Variants in GON7 observed in about 807,000 individuals in gnomAD.
GON7 encodes EKC/KEOPS complex subunit GON7.
GON7 carries 2 observed loss-of-function variants against 7.6 expected under a neutral mutation model. That is an observed-to-expected ratio of 0.26 (90% CI 0.11 to 0.83). The LOEUF (loss-of-function observed/expected upper bound fraction) is 0.83. Ranked by LOEUF, GON7 falls within the 40% of genes least tolerant of loss-of-function variation. GON7 has a pLI of 0.65. For synonymous variants in GON7, 54 were observed against 56.6 expected (o/e 0.95, Z 0.20); for missense variants, 121 against 132.2 (o/e 0.92, Z 0.42).
chr14:93,203,007 C>CT lies in GON7; in HGVS notation c.*680dup, dbSNP rs1377726283. On this transcript the variant is annotated 3_prime_UTR_variant, in exon 2 of 2. Coordinates refer to ENST00000306954, the MANE Select transcript of GON7 (RefSeq NM_032490.5). ...AATTGTAATCAATGCAGATTGTTTA[C>CT]TTAAGGCCTTATATTTGTACCTGTA... 1.3e-5 allele frequency: 2 copies of CT among 152,150 alleles called. No individual in the cohort carries two copies. Among genetic ancestry groups the CT allele is most frequent in the African/African-American group, 2.4e-5 (1 of 41,428 alleles). The allele number at this position is 152,150 out of a possible 1,614,324, so 9.4% of individuals were successfully genotyped here.
chr14:93,205,925 CAA>C (rs1894332651), intron 1 of GON7, among the ~76,000 whole-genome samples: 1 of 152,170 alleles, frequency 6.6e-6, no homozygotes, highest in Non-Finnish European at 1.5e-5. Flanking sequence ...ACACCCAGCT[CAA>C]AAGTCTTATC....
rs369142245 is a variant in GON7, at chr14:93,206,857, C to G, written c.181G>C (p.Ala61Pro). 1.4e-5 allele frequency: 22 copies of G among 1,614,000 alleles called. No individual in the cohort carries two copies. Among genetic ancestry groups the G allele is most frequent in the African/African-American group, 1.3e-4 (10 of 74,952 alleles). ...TCCAAGTCCTCGTCTGGAGCCGCCG[C>G]CACCCGGTGCTGCACTTCCCCCTGT... is the stretch of plus-strand genomic sequence containing the variant. Reference protein sequence around the residue: ...LVQGEVQHRVAAAPDEDLDGD... With the variant: ...LVQGEVQHRVPAAPDEDLDGD... Residue 61 changes from alanine (A) to proline (P), a missense_variant, in exon 1 of 2, where the codon GCG (alanine) becomes CCG (proline). Physicochemically the swap from Ala to Pro is conservative, Grantham distance 27 (BLOSUM62 -1). Coordinates refer to ENST00000306954, the MANE Select transcript of GON7 (RefSeq NM_032490.5).
intron 1 of GON7, 116 bp from the exon 2 acceptor site, chr14:93,203,898 A>G (rs1165105935): frequency 1.6e-6 from 1 of 611,994 alleles, no homozygotes; most frequent in East Asian, 2.9e-5. Context: ...AAACCTGCAC[A>G]TTTTAGATTA....
chr14:93,206,075 G>C (rs1027320434), intron 1 of GON7, among the ~76,000 whole-genome samples: 6 of 151,798 alleles, frequency 4.0e-5, no homozygotes, highest in Admixed American at 2.6e-4. Context: ...GCGCGATCTC[G>C]GCTCACTGCA....
At chr14:93,206,066 C>A (rs1894335496) in intron 1 of GON7, among the ~76,000 whole-genome samples, 1 of 151,962 alleles carries the variant, frequency 6.6e-6, no homozygotes, top group South Asian at 2.1e-4. Flanking sequence ...AGTGCAGTGG[C>A]GCGATCTCGG....
At chr14:93,206,154 G>A (rs528923424) in intron 1 of GON7, among the ~76,000 whole-genome samples, 1 of 152,246 alleles carries the variant, frequency 6.6e-6, no homozygotes, top group South Asian at 2.1e-4. Flanking sequence ...GGGACTACAG[G>A]AGCATGCCAC....
intron 1 of GON7, among the ~76,000 whole-genome samples, chr14:93,204,372 A>C (rs1894302775): frequency 6.6e-6 from 1 of 152,168 alleles, no homozygotes; most frequent in Admixed American, 6.6e-5. Context: ...CACCTAGAAC[A>C]CTTTCATCAC....
chr14:93,204,720 A>T (rs1595261333), intron 1 of GON7, among the ~76,000 whole-genome samples: 1 of 152,362 alleles, frequency 6.6e-6, no homozygotes, highest in South Asian at 2.1e-4. Context: ...GTTGTAGCAC[A>T]TGTTAATACT....
intron 1 of GON7, among the ~76,000 whole-genome samples, chr14:93,204,964 C>A (rs1226860413): frequency 1.3e-5 from 2 of 152,198 alleles, no homozygotes; most frequent in Non-Finnish European, 2.9e-5. Context: ...AAAGGCGCAA[C>A]ACCAAGCCCA....
chr14:93,203,876 T>C (rs1894294744), intron 1 of GON7, 94 bp from the exon 2 acceptor site: 1 of 781,436 alleles, frequency 1.3e-6, no homozygotes. Context: ...CATTTCACTT[T>C]AGGGATTAAT....
intron 1 of GON7, among the ~76,000 whole-genome samples, chr14:93,204,455 T>C (rs1595261267): frequency 6.6e-6 from 1 of 152,062 alleles, no homozygotes; most frequent in Non-Finnish European, 1.5e-5. Context: ...ACTAATCTAC[T>C]TTTTTTCCCC....
At position 93,203,154 on chromosome 14, in the gene GON7, G is replaced by A. The variant is rs563295137; in HGVS notation, c.*534C>T. On this transcript the variant is annotated 3_prime_UTR_variant, in exon 2 of 2. Transcript: ENST00000306954. ...TCAGGATATGTGCATATTTGACGTG[G>A]GTATGAATTCAGGGTTTCCTTGGGT... is the stretch of plus-strand genomic sequence containing the variant. The A allele has an allele frequency of 1.3e-5, 2 of 153,050 alleles. No homozygotes were observed. The highest frequency in any genetic ancestry group is 6.5e-5 in the Admixed American group (1 of 15,414). 9.5% of individuals were successfully genotyped at this position (153,050 alleles called of 1,614,324 possible). A position where few individuals can be genotyped will look rare whatever the true frequency, so the allele number is the denominator to read the frequency against.
intron 1 of GON7, among the ~76,000 whole-genome samples, chr14:93,206,065 G>A (rs1423303861): frequency 1.3e-5 from 2 of 152,062 alleles, no homozygotes; most frequent in Non-Finnish European, 2.9e-5. Flanking sequence ...GAGTGCAGTG[G>A]CGCGATCTCG....
chr14:93,206,740 A>C, intron 1 of GON7, 90 bp downstream of exon 1: 1 of 1,334,226 alleles, frequency 7.5e-7, no homozygotes, highest in Non-Finnish European at 1.0e-6. Flanking sequence ...ACTTTGTCCA[A>C]GTCTGCCACT....
At chr14:93,206,142 C>G (rs1894337694) in intron 1 of GON7, among the ~76,000 whole-genome samples, 1 of 152,146 alleles carries the variant, frequency 6.6e-6, no homozygotes, top group South Asian at 2.1e-4. Flanking sequence ...AGTAGAGTAG[C>G]TGGGACTACA....
intron 1 of GON7, among the ~76,000 whole-genome samples, chr14:93,204,998 A>C (rs1894312729): frequency 6.6e-6 from 1 of 152,168 alleles, no homozygotes; most frequent in Non-Finnish European, 1.5e-5. Context: ...TCCACGTTTT[A>C]GCTACTATAA....
At chr14:93,205,584 T>G (rs1894323056) in intron 1 of GON7, among the ~76,000 whole-genome samples, 1 of 151,890 alleles carries the variant, frequency 6.6e-6, no homozygotes, top group Non-Finnish European at 1.5e-5. Context: ...GGAGAATCGC[T>G]TGAACCGGGG....
At chr14:93,206,742 T>G in intron 1 of GON7, 88 bp downstream of exon 1, 1 of 1,338,766 alleles carries the variant, frequency 7.5e-7, no homozygotes, top group Non-Finnish European at 1.0e-6. Context: ...TTTGTCCAAG[T>G]CTGCCACTCT....
intron 1 of GON7, among the ~76,000 whole-genome samples, chr14:93,206,451 T>A (rs1455028728): frequency 6.6e-6 from 1 of 152,168 alleles, no homozygotes; most frequent in East Asian, 1.9e-4. Context: ...ACACGTTTTT[T>A]TGTGAAATAA....
Sources: allele counts gnomAD v4.1 joint callset (sites outside exome capture counted in the v4.1 genomes callset), GRCh38; gene constraint gnomAD v4.1.1; transcripts MANE v1.5; gene names NCBI Gene and HGNC (gene_info 2026-07-23, HGNC 2026-07-21).